PRKCZ: variants seen among roughly 807,000 people sequenced by gnomAD.
PRKCZ encodes the protein protein kinase C zeta, also known as protein kinase C zeta type.
In PRKCZ, 33 loss-of-function variants were observed where a neutral mutation model predicts 79.5. The ratio of observed to expected loss-of-function variants is 0.41; its 90% CI spans 0.31 to 0.55. The LOEUF is 0.55. Among genes scored for constraint, PRKCZ ranks in the 20% least tolerant of loss-of-function variants. The pLI, the probability that PRKCZ is intolerant of heterozygous loss-of-function variation, is 0.19. For missense variants in PRKCZ, 578 were observed against 813.5 expected, an observed-to-expected ratio of 0.71 and a Z score of 3.52; for synonymous variants, 342 against 320.9, an observed-to-expected ratio of 1.07 and a Z score of -0.70.
chr1:2,101,888 C>T (rs572116705), intron 4 of PRKCZ, among the ~76,000 whole-genome samples: 35 of 152,208 alleles, frequency 2.3e-4, no homozygotes, highest in Non-Finnish European at 3.5e-4. Context: ...ATGGATACAG[C>T]GGGCGTGGTG....
intron 4 of PRKCZ, among the ~76,000 whole-genome samples, chr1:2,092,266 T>C (rs564446104): frequency 5.6e-4 from 85 of 151,568 alleles, no homozygotes; most frequent in Middle Eastern, 6.8e-3. Context: ...CCGGGAACCC[T>C]GCCCCCTCTG....
intron 4 of PRKCZ, among the ~76,000 whole-genome samples, chr1:2,063,906 C>T (rs528068378): frequency 2.7e-4 from 39 of 144,170 alleles, no homozygotes; most frequent in African/African-American, 9.9e-4. Context: ...AGTGCAGTGG[C>T]ACGATCATGG....
chr1:2,111,345 C>T (rs1041458686), intron 4 of PRKCZ, among the ~76,000 whole-genome samples: 2 of 151,616 alleles, frequency 1.3e-5, no homozygotes, highest in African/African-American at 4.8e-5. Flanking sequence ...TTGACAGGGA[C>T]AGGCGGGGTG....
rs779184738 is a variant in PRKCZ, at chr1:2,173,857, A to G, written c.1286-40A>G. On this transcript the variant is annotated intron_variant, in intron 13 of 17. Transcript: ENST00000378567. This position sits in a 1 kb window ranked among gnomAD's most constrained non-coding sequence, Gnocchi z 5.7. ...GCCAGGTTCGTCCTGCTGCCGGCCC[A>G]TGTGGCCCCACTCGGTGATGGCTGT... The G allele has an allele frequency of 1.9e-6, 3 of 1,545,030 alleles. No homozygotes were observed. Among genetic ancestry groups the G allele is most frequent in the South Asian group, 2.4e-5 (2 of 83,282 alleles).
chr1:2,108,104 C>G (rs1249266914), intron 4 of PRKCZ, among the ~76,000 whole-genome samples: 2 of 152,236 alleles, frequency 1.3e-5, no homozygotes, highest in East Asian at 3.8e-4. Flanking sequence ...GTCAGGTAGC[C>G]CAGGGCCCGC....
At chr1:2,091,822 G>A (rs55778700) in intron 4 of PRKCZ, among the ~76,000 whole-genome samples, 2 of 152,204 alleles carry the variant, frequency 1.3e-5, no homozygotes, top group African/African-American at 4.8e-5. Flanking sequence ...GGGCGTCCGA[G>A]GGCCCTGACC....
chr1:2,152,609 A>G (rs1680117078), intron 9 of PRKCZ, among the ~76,000 whole-genome samples: 2 of 152,214 alleles, frequency 1.3e-5, no homozygotes, highest in East Asian at 1.9e-4. Context: ...TTGAGCAGCT[A>G]TCACCTCTCT....
chr1:2,101,768 A>G (rs140080285), intron 4 of PRKCZ, among the ~76,000 whole-genome samples: 1,783 of 152,332 alleles, frequency 0.012, 31 homozygotes, highest in African/African-American at 0.04. Flanking sequence ...GGTACTGAGT[A>G]GACACAGTGC....
intron 4 of PRKCZ, chr1:2,073,829 C>G (rs1004645205): frequency 1.9e-5 from 20 of 1,040,110 alleles, no homozygotes; most frequent in Non-Finnish European, 2.2e-5. Flanking sequence ...GGCGAGCCGA[C>G]GCAGCATCAG....
At chr1:2,113,342 C>T (rs900766940) in intron 4 of PRKCZ, among the ~76,000 whole-genome samples, 1 of 152,126 alleles carries the variant, frequency 6.6e-6, no homozygotes, top group African/African-American at 2.4e-5. Context: ...GCCTGTGGAT[C>T]GCCAAGTATG....
At position 2,175,936 on chromosome 1, in the gene PRKCZ, G is replaced by A. The variant is rs919500939; in HGVS notation, c.1575+623G>A. ...CCACAGGGATCTGATAGTGGGGGCC[G>A]GCCTAGAGAAGGGCGTTTGCTTTGG... is the stretch of plus-strand genomic sequence containing the variant. On this transcript the variant is annotated intron_variant, in intron 16 of 17. Coordinates refer to ENST00000378567, the MANE Select transcript of PRKCZ (RefSeq NM_002744.6). Among the ~76,000 whole-genome samples the A allele has an allele frequency of 7.9e-5, 12 of 152,250 alleles. No individual in the cohort carries two copies. In the South Asian group the frequency reaches 1.9e-3, roughly 24 times the overall value.
At chr1:2,063,692 C>T (rs566521748) in intron 4 of PRKCZ, among the ~76,000 whole-genome samples, 10 of 152,270 alleles carry the variant, frequency 6.6e-5, no homozygotes, top group Non-Finnish European at 1.0e-4. Context: ...AGTGCACGAG[C>T]GCCACTGTCT....
chr1:2,068,926 G>T (rs770101798), intron 4 of PRKCZ, among the ~76,000 whole-genome samples: 1 of 152,148 alleles, frequency 6.6e-6, no homozygotes, highest in Non-Finnish European at 1.5e-5. Flanking sequence ...TGAGACTGAC[G>T]CCCCTTTCGG....
rs1199723024 is a variant in PRKCZ at position 2,121,650 on chromosome 1, A to G, written c.335-13612A>G. Among the ~76,000 whole-genome samples the G allele has an allele frequency of 1.4e-3, 166 of 115,430 alleles. 34 individuals are homozygous for G. The East Asian group carries it at 0.035, about 24-fold the overall frequency. 75.7% of individuals were successfully genotyped at this position (115,430 alleles called of 152,430 possible). ...TAGGGTCACAGTGGTAGTTAGGGTC[A>G]CGGTGGTGGTTAGGGTCGTGGTGGT... On this transcript the variant is annotated intron_variant, in intron 4 of 17. Coordinates refer to ENST00000378567, the MANE Select transcript of PRKCZ (RefSeq NM_002744.6).
chr1:2,052,470 C>T (rs546588485), intron 1 of PRKCZ, among the ~76,000 whole-genome samples: 44 of 151,478 alleles, frequency 2.9e-4, no homozygotes, highest in Non-Finnish European at 4.3e-4. Flanking sequence ...CTCCTCTTCC[C>T]GCTCTCCCCT....
chr1:2,075,177 G>C lies in PRKCZ; in HGVS notation c.334+15586G>C, dbSNP rs1469706602. The C allele has an allele frequency of 6.6e-6, 1 of 152,336 alleles. No individual in the cohort carries two copies. The highest frequency in any genetic ancestry group is 1.5e-5 in the Non-Finnish European group (1 of 68,124). The allele number at this position is 152,336 out of a possible 1,614,324, so 9.4% of individuals were successfully genotyped here. ...GAGCTGGGGTGGTTTTCACACGTGC[G>C]CCTGCCTGCGAGGAGAAACGTGCTG... On this transcript the variant is annotated intron_variant, in intron 4 of 17. Coordinates refer to ENST00000378567, the MANE Select transcript of PRKCZ (RefSeq NM_002744.6). The surrounding 1 kb of genome is among the most constrained non-coding windows in gnomAD (Gnocchi z 4.8).
intron 4 of PRKCZ, among the ~76,000 whole-genome samples, chr1:2,072,089 G>C (rs1432247375): frequency 6.6e-6 from 1 of 152,212 alleles, no homozygotes; most frequent in African/African-American, 2.4e-5. Flanking sequence ...CCATAGATTT[G>C]GGAAGTCGAG....
At chr1:2,066,476 G>A (rs1661133549) in intron 4 of PRKCZ, among the ~76,000 whole-genome samples, 1 of 152,168 alleles carries the variant, frequency 6.6e-6, no homozygotes, top group South Asian at 2.1e-4. Flanking sequence ...CTGAGTAGCT[G>A]GCATTACAGG....
intron 16 of PRKCZ, among the ~76,000 whole-genome samples, chr1:2,180,500 G>A (rs1224489868): frequency 6.7e-6 from 1 of 149,734 alleles, no homozygotes; most frequent in Non-Finnish European, 1.5e-5. Context: ...CGACGCGGAC[G>A]CACAGATGAC....
Sources: gnomAD v4.1 joint callset for allele counts (sites outside exome capture counted in the v4.1 genomes callset) on GRCh38, gnomAD v4.1.1 for gene constraint, Gnocchi (gnomAD v3.1) non-coding constraint, MANE v1.5 for transcripts, NCBI Gene and HGNC (gene_info 2026-07-23, HGNC 2026-07-21) for gene names.